The following SPOCK3 variants were observed in gnomAD, a reference collection of about 807,000 sequenced individuals.
SPOCK3 encodes testican-3.
A neutral mutation model predicts 56.6 loss-of-function variants in SPOCK3; 30 were observed. That is an observed-to-expected ratio of 0.53 (90% CI 0.40 to 0.72). The LOEUF (loss-of-function observed/expected upper bound fraction) is 0.72. Among genes scored for constraint, SPOCK3 ranks in the 30% least tolerant of loss-of-function variants. SPOCK3 has a pLI of 0.00. For synonymous variants in SPOCK3, 196 were observed against 183.3 expected (o/e 1.07, Z -0.56); for missense variants, 527 against 530.0 (o/e 0.99, Z 0.06).
intron 6 of SPOCK3, among the ~76,000 whole-genome samples, chr4:166,803,905 A>C (rs1742877830): frequency 6.6e-6 from 1 of 152,170 alleles, no homozygotes; most frequent in African/African-American, 2.4e-5. Flanking sequence ...TTAACTGTAG[A>C]GTTGGTCAGA....
At chr4:167,009,289 T>A (rs1749784642) in intron 3 of SPOCK3, among the ~76,000 whole-genome samples, 1 of 152,114 alleles carries the variant, frequency 6.6e-6, no homozygotes, top group Non-Finnish European at 1.5e-5. Flanking sequence ...GGAACTAGAT[T>A]TGGGAACTCT....
chr4:167,228,559 C>G (rs949754194), intron 2 of SPOCK3, among the ~76,000 whole-genome samples: 2 of 152,236 alleles, frequency 1.3e-5, no homozygotes, highest in South Asian at 4.1e-4. Flanking sequence ...CTCTGACCTG[C>G]CTTCCTTCGT....
intron 6 of SPOCK3, among the ~76,000 whole-genome samples, chr4:166,829,186 A>C (rs556548421): frequency 6.6e-6 from 1 of 152,200 alleles, no homozygotes; most frequent in African/African-American, 2.4e-5. Flanking sequence ...TAGATTATAA[A>C]GTATACATAA....
intron 2 of SPOCK3, among the ~76,000 whole-genome samples, chr4:167,165,751 G>C (rs554279585): frequency 1.4e-4 from 22 of 152,096 alleles, no homozygotes; most frequent in African/African-American, 5.1e-4. Context: ...TGTGAGAGAG[G>C]CCTGTTGAGC....
chr4:167,113,956 A>G (rs1761122951), intron 2 of SPOCK3, among the ~76,000 whole-genome samples: 1 of 152,160 alleles, frequency 6.6e-6, no homozygotes, highest in Admixed American at 6.6e-5. Flanking sequence ...CATCTGAGGC[A>G]CAGAGCAGAG....
chr4:166,845,119 C>A (rs1747920679), intron 6 of SPOCK3, among the ~76,000 whole-genome samples: 1 of 152,094 alleles, frequency 6.6e-6, no homozygotes, highest in Admixed American at 6.6e-5. Flanking sequence ...TCTACTGTAA[C>A]CCACATTATT....
chr4:166,858,733 T>C (rs1219809430), intron 6 of SPOCK3, among the ~76,000 whole-genome samples: 1 of 152,172 alleles, frequency 6.6e-6, no homozygotes, highest in Non-Finnish European at 1.5e-5. Flanking sequence ...AGAGGAGGAC[T>C]ATCAGCTGAG....
chr4:166,960,325 C>A (rs1312814688), intron 4 of SPOCK3, among the ~76,000 whole-genome samples: 1 of 151,862 alleles, frequency 6.6e-6, no homozygotes. Context: ...TAGTGAAAGG[C>A]CACAATGAGG....
chr4:166,779,853 C>A (rs1739966988), intron 7 of SPOCK3, among the ~76,000 whole-genome samples: 1 of 152,082 alleles, frequency 6.6e-6, no homozygotes, highest in Non-Finnish European at 1.5e-5. Flanking sequence ...ATTTTGAAAG[C>A]AGCAGGAAGA....
rs28829403 is a variant in SPOCK3, at chr4:167,106,807, T to C, written c.190-44270A>G. Among the ~76,000 whole-genome samples the C allele has an allele frequency of 5.2e-3, 758 of 145,892 alleles. 4 individuals carry two copies. The highest frequency in any genetic ancestry group is 0.018 in the African/African-American group (724 of 39,840). On this transcript the variant is annotated intron_variant, in intron 2 of 10. Coordinates refer to ENST00000357545, the MANE Select transcript of SPOCK3 (RefSeq NM_001040159.2). ...AGACCCAAGTAAATAAAATCAGAGA[T>C]GAACAGGGAGCCATTACAATTGATA... is the stretch of plus-strand genomic sequence containing the variant.
At chr4:167,137,253 A>G (rs1763200411) in intron 2 of SPOCK3, among the ~76,000 whole-genome samples, 1 of 151,986 alleles carries the variant, frequency 6.6e-6, no homozygotes, top group Non-Finnish European at 1.5e-5. Context: ...TGCTAATAAA[A>G]ATGCTCAGTG....
intron 4 of SPOCK3, among the ~76,000 whole-genome samples, chr4:166,958,116 T>C (rs1380976166): frequency 1.3e-5 from 2 of 152,112 alleles, no homozygotes; most frequent in South Asian, 2.1e-4. Context: ...GATTGGACCA[T>C]GGGGGTGGAT....
At chr4:167,032,606 G>A (rs1752374780) in intron 3 of SPOCK3, among the ~76,000 whole-genome samples, 1 of 151,696 alleles carries the variant, frequency 6.6e-6, no homozygotes, top group East Asian at 1.9e-4. Flanking sequence ...ACTGACTCCT[G>A]AGACCTTAGT....
At chr4:166,869,718 C>T (rs1732258357) in intron 6 of SPOCK3, among the ~76,000 whole-genome samples, 1 of 150,598 alleles carries the variant, frequency 6.6e-6, no homozygotes, top group South Asian at 2.1e-4. Flanking sequence ...ACTAAGAAAA[C>T]CTGAAGAAAC....
chr4:167,017,549 G>A (rs1375437221), intron 3 of SPOCK3, among the ~76,000 whole-genome samples: 1 of 152,038 alleles, frequency 6.6e-6, no homozygotes. Flanking sequence ...CCCTTCACCA[G>A]CCATGCCCAC....
At position 166,927,191 on chromosome 4, in the gene SPOCK3, A is replaced by T. The variant is rs556112522; in HGVS notation, c.351-14448T>A. On this transcript the variant is annotated intron_variant, in intron 4 of 10. Coordinates refer to ENST00000357545, the MANE Select transcript of SPOCK3 (RefSeq NM_001040159.2). ...CCTGACTAGTAAAATTATCCCATTCATATGGTTTCACTCTGTATCCCCACC... is the reference window on the plus strand; with the variant it reads ...CCTGACTAGTAAAATTATCCCATTCTTATGGTTTCACTCTGTATCCCCACC... 2.0e-5 allele frequency among the ~76,000 whole-genome samples: 3 copies of T among 152,298 alleles called. No individual in the cohort carries two copies. The East Asian group carries it at 5.8e-4, about 29-fold the overall frequency.
At chr4:166,894,153 G>A (rs145951959) in intron 5 of SPOCK3, among the ~76,000 whole-genome samples, 18 of 152,152 alleles carry the variant, frequency 1.2e-4, no homozygotes, top group South Asian at 6.2e-4. Context: ...ATTTCATCAC[G>A]GAATAACACC....
intron 6 of SPOCK3, among the ~76,000 whole-genome samples, chr4:166,877,225 G>T (rs998604200): frequency 6.6e-6 from 1 of 152,206 alleles, no homozygotes; most frequent in African/African-American, 2.4e-5. Flanking sequence ...TTCTCCTATA[G>T]AAACCAAAAT....
At chr4:167,165,640 T>C (rs1765693391) in intron 2 of SPOCK3, among the ~76,000 whole-genome samples, 1 of 152,092 alleles carries the variant, frequency 6.6e-6, no homozygotes, top group African/African-American at 2.4e-5. Flanking sequence ...AAACAATACC[T>C]GAAAGCATAC....
Sources: allele counts gnomAD v4.1 joint callset (sites outside exome capture counted in the v4.1 genomes callset), GRCh38; gene constraint gnomAD v4.1.1; transcripts MANE v1.5; gene names NCBI Gene and HGNC (gene_info 2026-07-23, HGNC 2026-07-21).